Variants in ME1 observed in about 807,000 individuals in gnomAD.
ME1 encodes malic enzyme 1.
In ME1, 74 loss-of-function variants were observed where a neutral mutation model predicts 66.4. That is an observed-to-expected ratio of 1.11 (90% CI 0.92 to 1.35). The LOEUF (loss-of-function observed/expected upper bound fraction) is 1.35, where lower values mean the gene tolerates loss of function less well. Ranked by LOEUF, ME1 falls within the 40% of genes most tolerant of loss-of-function variation. The pLI, the probability that ME1 is intolerant of heterozygous loss-of-function variation, is 0.00. For synonymous variants in ME1, 251 were observed against 235.6 expected (o/e 1.07, Z -0.60); for missense variants, 750 against 694.1 (o/e 1.08, Z -0.90).
chr6:83,241,512 T>C (rs1221147243), intron 7 of ME1, among the ~76,000 whole-genome samples: 1 of 152,188 alleles, frequency 6.6e-6, no homozygotes, highest in Non-Finnish European at 1.5e-5. Context: ...TCAAAATGTG[T>C]TAAGTTCATA....
At chr6:83,248,661 G>A (rs901722899) in intron 7 of ME1, among the ~76,000 whole-genome samples, 2 of 152,072 alleles carry the variant, frequency 1.3e-5, no homozygotes, top group Admixed American at 6.6e-5. Flanking sequence ...AAGACCTAAT[G>A]GTTTTATAAG....
At chr6:83,298,931 GTTTT>G (rs61055748) in intron 6 of ME1, among the ~76,000 whole-genome samples, 5 of 22,496 alleles carry the variant, frequency 2.2e-4, no homozygotes, top group African/African-American at 7.5e-4. Flanking sequence ...CTATGTGTCT[GTTTT>G]TTTTTTTTTT....
At chr6:83,357,933 CTCTATATATATATATATA>C (rs1276442360) in intron 3 of ME1, among the ~76,000 whole-genome samples, 7 of 44,960 alleles carry the variant, frequency 1.6e-4, no homozygotes, top group African/African-American at 4.6e-4. Context: ...CTCTCTCTCT[CTCTATATATATATATATA>C]TATATATATA....
chr6:83,313,670 G>A (rs1322635677), intron 6 of ME1, among the ~76,000 whole-genome samples: 1 of 152,118 alleles, frequency 6.6e-6, no homozygotes, highest in South Asian at 2.1e-4. Context: ...TGCTACTGAG[G>A]AAGTTGGATA....
At chr6:83,419,331 T>A (rs752099273) in intron 1 of ME1, among the ~76,000 whole-genome samples, 3 of 152,196 alleles carry the variant, frequency 2.0e-5, no homozygotes, top group Non-Finnish European at 4.4e-5. Flanking sequence ...AGGCAAATCA[T>A]AGATGGCTCA....
At chr6:83,282,652 C>A (rs915720709) in intron 6 of ME1, among the ~76,000 whole-genome samples, 2 of 152,296 alleles carry the variant, frequency 1.3e-5, no homozygotes, top group South Asian at 4.1e-4. Flanking sequence ...ACACTTTATA[C>A]TGCTGGTGGG....
At chr6:83,238,774 T>G (rs1790457621) in intron 8 of ME1, among the ~76,000 whole-genome samples, 1 of 142,170 alleles carries the variant, frequency 7.0e-6, no homozygotes, top group Non-Finnish European at 1.6e-5. Context: ...TCATATTCAA[T>G]TTGAAAATTT....
chr6:83,396,376 T>C (rs576734916), intron 3 of ME1, among the ~76,000 whole-genome samples: 1 of 152,082 alleles, frequency 6.6e-6, no homozygotes, highest in Non-Finnish European at 1.5e-5. Flanking sequence ...ATAATAATGA[T>C]AGCCACCAAA....
At chr6:83,229,545 T>C (rs1055971669) in intron 9 of ME1, among the ~76,000 whole-genome samples, 2 of 152,234 alleles carry the variant, frequency 1.3e-5, no homozygotes, top group Admixed American at 1.3e-4. Flanking sequence ...TGGTACTTGA[T>C]GACTTACAAG....
intron 5 of ME1, among the ~76,000 whole-genome samples, chr6:83,341,209 A>G (rs1302935600): frequency 1.3e-5 from 2 of 152,156 alleles, no homozygotes; most frequent in Non-Finnish European, 2.9e-5. Context: ...TTGATATTTC[A>G]TATCCATACT....
rs547211522 is a variant in ME1, at chr6:83,304,769, A to G, written c.704+10541T>C. ...GGAAAATTGAGTTAGCCAGAATGTG[A>G]TCATCTTGGCAACAGGAATGATTAT... On this transcript the variant is annotated intron_variant, in intron 6 of 13. Coordinates refer to ENST00000369705, the MANE Select transcript of ME1 (RefSeq NM_002395.6). 3.3e-5 allele frequency among the ~76,000 whole-genome samples: 5 copies of G among 152,310 alleles called. No homozygotes were observed. The East Asian group carries it at 9.6e-4, about 29-fold the overall frequency.
intron 3 of ME1, among the ~76,000 whole-genome samples, chr6:83,395,847 A>G (rs964867005): frequency 1.3e-5 from 2 of 152,126 alleles, no homozygotes; most frequent in African/African-American, 4.8e-5. Flanking sequence ...AAAGAAAAAA[A>G]AAAAGGCATC....
At chr6:83,314,667 T>TTA (rs1048140055) in intron 6 of ME1, among the ~76,000 whole-genome samples, 5 of 149,974 alleles carry the variant, frequency 3.3e-5, no homozygotes, top group Non-Finnish European at 6.0e-5. Context: ...TACCATCTCA[T>TTA]TATATATATA....
chr6:83,275,859 G>C (rs1227483754), intron 6 of ME1, among the ~76,000 whole-genome samples: 1 of 124,086 alleles, frequency 8.1e-6, no homozygotes, highest in East Asian at 2.7e-4. Context: ...TGCAACCTCC[G>C]CCTCCCGGGT....
intron 9 of ME1, among the ~76,000 whole-genome samples, chr6:83,237,280 G>GAAAGAAAGAGAAAGAAAGA (rs1562455285): frequency 4.6e-5 from 1 of 21,622 alleles, no homozygotes; most frequent in African/African-American, 1.4e-4. Context: ...AGAAAGAAAG[G>GAAAGAAAGAGAAAGAAAGA]AAGGAAGGAA....
intron 8 of ME1, among the ~76,000 whole-genome samples, chr6:83,238,874 C>T (rs1180233): frequency 0.25 from 37,549 of 147,970 alleles, 5,148 homozygotes; most frequent in Middle Eastern, 0.34. Flanking sequence ...GAGATTTTGG[C>T]AGTTTTCCCA....
chr6:83,258,351 T>C (rs910492074), intron 6 of ME1, among the ~76,000 whole-genome samples: 5 of 152,150 alleles, frequency 3.3e-5, no homozygotes, highest in African/African-American at 1.2e-4. Flanking sequence ...TCTTGCATCA[T>C]ATAATAAAAG....
intron 1 of ME1, among the ~76,000 whole-genome samples, chr6:83,416,350 A>G (rs903268895): frequency 1.3e-5 from 2 of 152,178 alleles, no homozygotes; most frequent in African/African-American, 4.8e-5. Context: ...TATTCTTCAC[A>G]TTTCAGTATT....
intron 4 of ME1, among the ~76,000 whole-genome samples, chr6:83,347,111 G>C (rs550096674): frequency 1.1e-4 from 16 of 151,854 alleles, no homozygotes; most frequent in Admixed American, 4.6e-4. Context: ...CCGCCACCAC[G>C]CCCGGCTAAT....
Sources: gnomAD v4.1 joint callset for allele counts (sites outside exome capture counted in the v4.1 genomes callset) on GRCh38, gnomAD v4.1.1 for gene constraint, MANE v1.5 for transcripts, NCBI Gene and HGNC (gene_info 2026-07-23, HGNC 2026-07-21) for gene names.